CNTNAP5: variants seen among roughly 807,000 people sequenced by gnomAD.
CNTNAP5 encodes contactin-associated protein-like 5.
Under a neutral mutation model 150.2 loss-of-function variants are expected in CNTNAP5, and 72 were observed. The observed-to-expected ratio is 0.48, with a 90% CI of 0.40 to 0.58. The LOEUF is 0.58. Ranked by LOEUF, CNTNAP5 falls within the 20% of genes least tolerant of loss-of-function variation. The probability of loss-of-function intolerance (pLI) is 0.00; values close to 1 mark genes in which losing one functional copy is unlikely to be tolerated. For synonymous variants in CNTNAP5, 672 were observed against 619.8 expected, an observed-to-expected ratio of 1.08 and a Z score of -1.25; for missense variants, 1,636 against 1,626.2, an observed-to-expected ratio of 1.01 and a Z score of -0.10.
chr2:124,430,715 G>C (rs568237960), intron 4 of CNTNAP5, among the ~76,000 whole-genome samples: 53 of 152,280 alleles, frequency 3.5e-4, no homozygotes, highest in African/African-American at 1.2e-3. Context: ...AGGCAGTTCT[G>C]AAACTATTAA....
In CNTNAP5 at chr2:124,900,953, G is replaced by T. The variant is rs771483017; in HGVS notation, c.3437-1929G>T. On this transcript the variant is annotated intron_variant, in intron 21 of 23. Coordinates refer to ENST00000682447, the MANE Select transcript of CNTNAP5 (RefSeq NM_001367498.1). ...AGCAAAAAACATCTAGTCCATTAAA[G>T]TTTTTTGTGAGATGCTTTATGTGGG... 5.9e-5 allele frequency among the ~76,000 whole-genome samples: 9 copies of T among 151,676 alleles called. 1 individual carries two copies. Among genetic ancestry groups the T allele is most frequent in the Non-Finnish European group, 8.8e-5 (6 of 68,022 alleles).
chr2:124,635,622 C>A (rs1206527832), intron 12 of CNTNAP5, among the ~76,000 whole-genome samples: 1 of 152,134 alleles, frequency 6.6e-6, no homozygotes, highest in East Asian at 1.9e-4. Flanking sequence ...TGGAAAATAA[C>A]AAATGGGTGT....
chr2:124,572,814 C>G (rs2104941202), intron 11 of CNTNAP5, among the ~76,000 whole-genome samples: 1 of 152,328 alleles, frequency 6.6e-6, no homozygotes, highest in South Asian at 2.1e-4. Flanking sequence ...CTTCTTACCA[C>G]TGTCTTTTCC....
chr2:124,282,747 C>A (rs918725768), intron 3 of CNTNAP5, among the ~76,000 whole-genome samples: 4 of 151,996 alleles, frequency 2.6e-5, no homozygotes, highest in African/African-American at 9.7e-5. Context: ...TCCCATTTCA[C>A]AGGTGAGAAA....
At position 124,361,486 on chromosome 2, in the gene CNTNAP5, C is replaced by T. The variant is rs371352443; in HGVS notation, c.382-55957C>T. Among the ~76,000 whole-genome samples, 49 of 145,170 alleles carry T rather than the reference C, an allele frequency of 3.4e-4. 1 individual carries two copies. In the Middle Eastern group the frequency reaches 0.011, roughly 31 times the overall value. ...TGATGGTGATGTACAGATGGGTTTT[C>T]GGTGTGGATGTCCTTTCTGTTTGTT... On this transcript the variant is annotated intron_variant, in intron 3 of 23. Transcript: ENST00000682447.
chr2:124,122,021 C>A (rs534121415), intron 1 of CNTNAP5, among the ~76,000 whole-genome samples: 2 of 152,252 alleles, frequency 1.3e-5, no homozygotes, highest in Non-Finnish European at 2.9e-5. Flanking sequence ...AGGTTTCATA[C>A]CAGCTAATTC....
At chr2:124,255,564 TAAAATA>T (rs1254419681) in intron 3 of CNTNAP5, among the ~76,000 whole-genome samples, 16 of 96,694 alleles carry the variant, frequency 1.7e-4, no homozygotes, top group African/African-American at 5.9e-4. Flanking sequence ...TAAAATAAAA[TAAAATA>T]AAATAAAATA....
At chr2:124,199,787 T>C (rs534181481) in intron 1 of CNTNAP5, among the ~76,000 whole-genome samples, 28 of 152,324 alleles carry the variant, frequency 1.8e-4, no homozygotes, top group African/African-American at 6.5e-4. Flanking sequence ...TTATAGCTGG[T>C]GTATCTAAAC....
At chr2:124,286,707 C>T (rs1688160789) in intron 3 of CNTNAP5, among the ~76,000 whole-genome samples, 1 of 152,174 alleles carries the variant, frequency 6.6e-6, no homozygotes, top group African/African-American at 2.4e-5. Context: ...CAGAATCTCC[C>T]CATTTTCTCT....
intron 13 of CNTNAP5, among the ~76,000 whole-genome samples, chr2:124,705,509 C>T (rs1679616317): frequency 1.3e-5 from 2 of 151,650 alleles, no homozygotes; most frequent in Admixed American, 6.6e-5. Context: ...GCCTGAGTGA[C>T]AGAGAGAGAC....
intron 7 of CNTNAP5, among the ~76,000 whole-genome samples, chr2:124,489,428 A>G (rs148471345): frequency 1.3e-5 from 2 of 152,286 alleles, no homozygotes; most frequent in East Asian, 3.9e-4. Flanking sequence ...CAGTCCTGTT[A>G]GATTAGAGTC....
At chr2:124,213,173 T>C (rs1309661334) in intron 1 of CNTNAP5, among the ~76,000 whole-genome samples, 1 of 151,934 alleles carries the variant, frequency 6.6e-6, no homozygotes. Flanking sequence ...ATCCTCATGA[T>C]GCCACCCCTG....
intron 16 of CNTNAP5, among the ~76,000 whole-genome samples, chr2:124,772,498 A>T (rs573522532): frequency 6.6e-6 from 1 of 152,142 alleles, no homozygotes; most frequent in South Asian, 2.1e-4. Context: ...TGAAGCCACA[A>T]TAGATCCAGA....
intron 3 of CNTNAP5, among the ~76,000 whole-genome samples, chr2:124,405,601 A>G (rs1380952114): frequency 6.6e-6 from 1 of 152,210 alleles, no homozygotes; most frequent in Non-Finnish European, 1.5e-5. Context: ...TCTCACCTTT[A>G]AAATGAAGAT....
At chr2:124,175,766 T>A (rs192582742) in intron 1 of CNTNAP5, among the ~76,000 whole-genome samples, 2 of 152,358 alleles carry the variant, frequency 1.3e-5, no homozygotes, top group East Asian at 3.9e-4. Context: ...ATGGCTTTAT[T>A]CATTTTTATG....
intron 8 of CNTNAP5, among the ~76,000 whole-genome samples, chr2:124,507,052 C>T (rs906105849): frequency 5.9e-5 from 9 of 152,150 alleles, no homozygotes; most frequent in African/African-American, 1.9e-4. Flanking sequence ...ATTACATGCA[C>T]ACAGGAGTCA....
At chr2:124,744,951 C>G (rs1680574225) in intron 13 of CNTNAP5, among the ~76,000 whole-genome samples, 1 of 152,176 alleles carries the variant, frequency 6.6e-6, no homozygotes, top group African/African-American at 2.4e-5. Flanking sequence ...TTTTTGTTCT[C>G]TCTCTTTTTC....
chr2:124,493,214 C>T (rs914202473), intron 7 of CNTNAP5, among the ~76,000 whole-genome samples: 6 of 151,974 alleles, frequency 3.9e-5, no homozygotes, highest in Admixed American at 6.6e-5. Context: ...TTCTTTTCTG[C>T]GTCTATCAAG....
At chr2:124,659,132 T>G (rs551269139) in intron 13 of CNTNAP5, among the ~76,000 whole-genome samples, 54 of 152,370 alleles carry the variant, frequency 3.5e-4, no homozygotes, top group Admixed American at 7.2e-4. Context: ...CCCACATCAT[T>G]GGAAGAATAA....
Sources: allele counts gnomAD v4.1 joint callset (sites outside exome capture counted in the v4.1 genomes callset), GRCh38; gene constraint gnomAD v4.1.1; transcripts MANE v1.5; gene names NCBI Gene and HGNC (gene_info 2026-07-23, HGNC 2026-07-21).